Variants in LPP observed in about 807,000 individuals in gnomAD.
LPP encodes the protein lipoma-preferred partner.
In LPP, 38 loss-of-function variants were observed where a neutral mutation model predicts 60.4. The observed-to-expected ratio is 0.63, with a 90% CI of 0.49 to 0.83. The LOEUF is 0.83. LPP is among the 40% of genes least tolerant of loss of function. The pLI is 0.00. For missense variants in LPP, 902 were observed against 783.6 expected (o/e 1.15, Z -1.80); for synonymous variants, 328 against 290.8 (o/e 1.13, Z -1.30).
In LPP at chr3:188,158,333, C is replaced by T. The variant is rs79494426; in HGVS notation, c.-190+4081C>T. ...GTTGATGCATGCAGGAAGCTAGTAT[C>T]TGGGTGAAAATCTGTTGGCTTGAGG... On this transcript the variant is annotated intron_variant, in intron 1 of 11. Coordinates refer to ENST00000617246, the MANE Select transcript of LPP (RefSeq NM_001375462.1). Among the ~76,000 whole-genome samples the T allele has an allele frequency of 4.3e-3, 653 of 152,164 alleles. 32 individuals carry two copies. In the East Asian group the frequency reaches 0.11, roughly 26 times the overall value.
chr3:188,687,092 T>C (rs1300485470), intron 7 of LPP, among the ~76,000 whole-genome samples: 1 of 152,242 alleles, frequency 6.6e-6, no homozygotes, highest in Non-Finnish European at 1.5e-5. Context: ...AGTCTTTAAA[T>C]GAATATATCT....
At chr3:188,799,956 A>G (rs1329687308) in intron 9 of LPP, among the ~76,000 whole-genome samples, 2 of 152,182 alleles carry the variant, frequency 1.3e-5, no homozygotes, top group African/African-American at 4.8e-5. Context: ...TTTGTTGTGT[A>G]TTATAAACCT....
chr3:188,359,501 C>T (rs557171517), intron 3 of LPP, among the ~76,000 whole-genome samples: 4 of 152,228 alleles, frequency 2.6e-5, no homozygotes, highest in African/African-American at 9.6e-5. Context: ...CTTTTTTATT[C>T]TTTCACCCTG....
At chr3:188,224,363 G>A (rs896870126) in intron 1 of LPP, among the ~76,000 whole-genome samples, 12 of 152,240 alleles carry the variant, frequency 7.9e-5, no homozygotes, top group East Asian at 3.9e-4. Context: ...GTAGTTTCTC[G>A]TATGTGGATT....
chr3:188,744,368 C>T (rs546125936), intron 8 of LPP, among the ~76,000 whole-genome samples: 126 of 152,284 alleles, frequency 8.3e-4, no homozygotes, highest in Middle Eastern at 3.4e-3. Flanking sequence ...AATGTGTCCT[C>T]TTCAACTGTG....
chr3:188,713,240 T>TA (rs1560103274), intron 8 of LPP, among the ~76,000 whole-genome samples: 2 of 152,134 alleles, frequency 1.3e-5, no homozygotes, highest in Admixed American at 1.3e-4. Context: ...CATGAGGAAG[T>TA]AAAAAATGCA....
At chr3:188,360,951 C>T (rs941818578) in intron 3 of LPP, among the ~76,000 whole-genome samples, 1 of 152,168 alleles carries the variant, frequency 6.6e-6, no homozygotes, top group Admixed American at 6.5e-5. Context: ...AAGTGCTACA[C>T]AAATGCAATG....
chr3:188,571,662 T>A, intron 6 of LPP, among the ~76,000 whole-genome samples: 1 of 152,196 alleles, frequency 6.6e-6, no homozygotes, highest in East Asian at 1.9e-4. Flanking sequence ...TTATGAGAAG[T>A]CATACAGCGT....
At chr3:188,686,729 G>A (rs1255185260) in intron 7 of LPP, among the ~76,000 whole-genome samples, 2 of 152,196 alleles carry the variant, frequency 1.3e-5, no homozygotes, top group Admixed American at 6.5e-5. Context: ...ATGGGAAGCC[G>A]AGGGAGGCCA....
chr3:188,467,937 C>A (rs1299223992), intron 4 of LPP, among the ~76,000 whole-genome samples: 3 of 152,088 alleles, frequency 2.0e-5, no homozygotes, highest in Non-Finnish European at 4.4e-5. Context: ...TCTAAACAAC[C>A]AAGCTTGTGG....
intron 4 of LPP, among the ~76,000 whole-genome samples, chr3:188,440,548 G>A (rs1560407794): frequency 6.6e-6 from 1 of 152,068 alleles, no homozygotes; most frequent in Non-Finnish European, 1.5e-5. Flanking sequence ...TGCTGCTTCG[G>A]TTATTTACAT....
rs555374411 is a variant in LPP, at chr3:188,354,813, G to T, written c.-10+13094G>T. On this transcript the variant is annotated intron_variant, in intron 3 of 11. Transcript: ENST00000617246. ...CATTAATCAATGAACACACACACGC[G>T]CGTGCGCGCACACACACACACAGAC... Among the ~76,000 whole-genome samples the T allele has an allele frequency of 1.7e-3, 162 of 93,628 alleles. 1 individual carries two copies. Among genetic ancestry groups the T allele is most frequent in the African/African-American group, 6.9e-3 (157 of 22,850 alleles). 61.4% of individuals were successfully genotyped at this position (93,628 alleles called of 152,430 possible). A position where few individuals can be genotyped will look rare whatever the true frequency, so the allele number is the denominator to read the frequency against.
chr3:188,661,547 G>A (rs889884650), intron 7 of LPP, among the ~76,000 whole-genome samples: 10 of 152,182 alleles, frequency 6.6e-5, no homozygotes, highest in Non-Finnish European at 1.3e-4. Context: ...TTTGCCTGTG[G>A]TAGCAGGCTT....
intron 6 of LPP, among the ~76,000 whole-genome samples, chr3:188,599,760 G>A (rs1287676446): frequency 1.3e-5 from 2 of 149,250 alleles, no homozygotes; most frequent in African/African-American, 5.0e-5. Flanking sequence ...GGGTGTGTGT[G>A]TGTGTGTGTG....
chr3:188,250,378 A>C (rs1419126887), intron 2 of LPP, among the ~76,000 whole-genome samples: 3 of 152,194 alleles, frequency 2.0e-5, no homozygotes, highest in Non-Finnish European at 2.9e-5. Context: ...CTCAGGGATC[A>C]CATCTGGAGT....
rs528939550 is a variant in LPP at position 188,609,287 on chromosome 3, C to G, written c.556C>G (p.Pro186Ala). Residue 186 changes from proline (P) to alanine (A), a missense_variant, in exon 7 of 12, where the codon CCC becomes GCC. By Grantham distance (27) the Pro-to-Ala change is conservative. Coordinates refer to ENST00000617246, the MANE Select transcript of LPP (RefSeq NM_001375462.1). The surrounding 1 kb of genome is among the most constrained non-coding windows in gnomAD (Gnocchi z 6.9). ...KKSTLKPQPA[P>A]QAGPIPVAPI... ...GTCTACATTGAAACCACAGCCTGCACCCCAGGCTGGACCCATCCCTGTGGC... is the reference window on the plus strand; with the variant it reads ...GTCTACATTGAAACCACAGCCTGCAGCCCAGGCTGGACCCATCCCTGTGGC... The G allele has an allele frequency of 6.2e-7, 1 of 1,614,092 alleles. No individual in the cohort carries two copies. The highest frequency in any genetic ancestry group is 1.1e-5 in the South Asian group (1 of 91,084).
intron 3 of LPP, among the ~76,000 whole-genome samples, chr3:188,395,245 G>T (rs1006228501): frequency 3.9e-5 from 6 of 152,038 alleles, no homozygotes; most frequent in Admixed American, 1.3e-4. Flanking sequence ...TAGAGACAGG[G>T]TCTCATTCTA....
chr3:188,252,170 CATATATATATAT>C (rs10609191), intron 2 of LPP, among the ~76,000 whole-genome samples: 13,713 of 101,736 alleles, frequency 0.13, 1,067 homozygotes, highest in South Asian at 0.21. Context: ...CTTCCCCAAA[CATATATATATAT>C]ATATATATAT....
chr3:188,754,335 A>G (rs1729435303), intron 8 of LPP, among the ~76,000 whole-genome samples: 1 of 152,218 alleles, frequency 6.6e-6, no homozygotes, highest in African/African-American at 2.4e-5. Context: ...TTTTCAAACT[A>G]AAATATAAAG....
Sources: gnomAD v4.1 joint callset for allele counts (sites outside exome capture counted in the v4.1 genomes callset) on GRCh38, gnomAD v4.1.1 for gene constraint, Gnocchi (gnomAD v3.1) non-coding constraint, MANE v1.5 for transcripts, NCBI Gene and HGNC (gene_info 2026-07-23, HGNC 2026-07-21) for gene names.